PDE4D: variants seen among roughly 807,000 people sequenced by gnomAD.
The protein encoded by PDE4D is phosphodiesterase 4D, also known as 3',5'-cyclic-AMP phosphodiesterase 4D.
In PDE4D, 24 loss-of-function variants were observed where a neutral mutation model predicts 87.4. That is an observed-to-expected ratio of 0.27 (90% CI 0.20 to 0.39). The LOEUF (loss-of-function observed/expected upper bound fraction) is 0.39. Among genes scored for constraint, PDE4D ranks in the 10% least tolerant of loss-of-function variants. PDE4D has a pLI of 1.00. For synonymous variants in PDE4D, 384 were observed against 383.2 expected (o/e 1.00, Z -0.02); for missense variants, 714 against 1,041.0 (o/e 0.69, Z 4.32).
chr5:60,065,127 A>G (rs2152891418), intron 2 of PDE4D, among the ~76,000 whole-genome samples: 1 of 152,242 alleles, frequency 6.6e-6, no homozygotes, highest in Middle Eastern at 3.4e-3. Context: ...AAGGATTCAG[A>G]AAAGCAGATT....
chr5:59,623,487 C>G (rs1279388011), intron 1 of PDE4D, among the ~76,000 whole-genome samples: 1 of 152,194 alleles, frequency 6.6e-6, no homozygotes, highest in Admixed American at 6.5e-5. Context: ...CATCCCAGTG[C>G]TTGGAGCTCT....
chr5:59,189,118 A>T (rs964989081), intron 3 of PDE4D, among the ~76,000 whole-genome samples: 6 of 152,088 alleles, frequency 3.9e-5, no homozygotes, highest in Admixed American at 6.5e-5. Flanking sequence ...TTTATTACCA[A>T]CTAAATGGTA....
chr5:59,950,762 G>A lies in PDE4D; in HGVS notation c.272+37726C>T, dbSNP rs544146920. 2.6e-5 allele frequency among the ~76,000 whole-genome samples: 4 copies of A among 152,170 alleles called. No individual in the cohort carries two copies. The South Asian group carries it at 8.3e-4, about 32-fold the overall frequency. The stretch of plus-strand genomic sequence containing the variant: ...TTGTTGTTATCTTTTGGCTTTCTGA[G>A]AAATTGGTTTTATTACTGTTTTTAA... On this transcript the variant is annotated intron_variant, in intron 3 of 16. Coordinates refer to the PDE4D transcript ENST00000502484.
At chr5:59,548,181 G>A (rs181403410) in intron 1 of PDE4D, among the ~76,000 whole-genome samples, 59 of 152,044 alleles carry the variant, frequency 3.9e-4, no homozygotes, top group Admixed American at 9.8e-4. Flanking sequence ...TGTTTAAGTC[G>A]GCTTAAATTC....
intron 1 of PDE4D, among the ~76,000 whole-genome samples, chr5:59,441,576 AC>A (rs1797621765): frequency 6.6e-6 from 1 of 151,974 alleles, no homozygotes; most frequent in African/African-American, 2.4e-5. Context: ...TTTCCTCTTA[AC>A]CTGTGGTATC....
chr5:59,264,469 A>G (rs183351550), intron 1 of PDE4D, among the ~76,000 whole-genome samples: 1 of 152,166 alleles, frequency 6.6e-6, no homozygotes, highest in East Asian at 1.9e-4. Context: ...ACCTTTAAAA[A>G]GTTGTCTGCT....
chr5:60,477,107 A>G (rs1748390192), intron 1 of PDE4D, among the ~76,000 whole-genome samples: 1 of 152,192 alleles, frequency 6.6e-6, no homozygotes, highest in Non-Finnish European at 1.5e-5. Context: ...ATAGGCAGGA[A>G]GAAATGCAAA....
intron 1 of PDE4D, among the ~76,000 whole-genome samples, chr5:60,391,086 T>C (rs1762531817): frequency 6.6e-6 from 1 of 152,218 alleles, no homozygotes; most frequent in Admixed American, 6.5e-5. Context: ...TACTTATTTA[T>C]TATCTTTCCC....
At chr5:59,965,539 T>A (rs1740726828) in intron 3 of PDE4D, among the ~76,000 whole-genome samples, 1 of 152,176 alleles carries the variant, frequency 6.6e-6, no homozygotes. Context: ...CTGCTGTATC[T>A]TGAGTACCTG....
chr5:59,579,125 T>C (rs1823653453), intron 1 of PDE4D, among the ~76,000 whole-genome samples: 1 of 152,214 alleles, frequency 6.6e-6, no homozygotes, highest in Admixed American at 6.5e-5. Flanking sequence ...ATTTTCACTT[T>C]GAAACTTAAG....
chr5:58,978,864 A>G lies in PDE4D; in HGVS notation c.1553-1519T>C, dbSNP rs567956813. ...AACCTTTATCTACAGATAGGTAAGC[A>G]TATAGAAATGAAAAATTTAAAACTA... On this transcript the variant is annotated intron_variant, in intron 11 of 14. Coordinates refer to ENST00000340635, the MANE Select transcript of PDE4D (RefSeq NM_001104631.2). Among the ~76,000 whole-genome samples the G allele has an allele frequency of 4.6e-5, 7 of 152,344 alleles. 2 individuals carry two copies. The highest frequency in any genetic ancestry group is 1.7e-4 in the African/African-American group (7 of 41,594).
intron 5 of PDE4D, among the ~76,000 whole-genome samples, chr5:59,145,940 A>G (rs1291182523): frequency 2.6e-5 from 4 of 152,178 alleles, no homozygotes. Context: ...CAGCCTGGCC[A>G]ACATGGTGAA....
chr5:59,407,081 C>T (rs185632692), intron 1 of PDE4D, among the ~76,000 whole-genome samples: 3 of 152,252 alleles, frequency 2.0e-5, no homozygotes, highest in Admixed American at 2.0e-4. Context: ...CCTTGAATGT[C>T]CCCTCCAATT....
chr5:60,103,076 C>T (rs1025742482), intron 2 of PDE4D, among the ~76,000 whole-genome samples: 5 of 152,098 alleles, frequency 3.3e-5, no homozygotes, highest in African/African-American at 9.7e-5. Context: ...AGAAACTTTG[C>T]ACTATGAGTC....
At chr5:59,870,247 A>G (rs1287931335) in intron 1 of PDE4D, among the ~76,000 whole-genome samples, 2 of 152,258 alleles carry the variant, frequency 1.3e-5, no homozygotes, top group Non-Finnish European at 2.9e-5. Flanking sequence ...AACAGAATTA[A>G]CTATGATGGC....
intron 1 of PDE4D, among the ~76,000 whole-genome samples, chr5:59,234,798 T>C (rs564605518): frequency 2.2e-4 from 33 of 152,330 alleles, no homozygotes; most frequent in Admixed American, 7.2e-4. Flanking sequence ...CATGATTATA[T>C]ACTTTGCTGA....
chr5:60,431,722 G>T (rs994389678), intron 1 of PDE4D, among the ~76,000 whole-genome samples: 3 of 152,202 alleles, frequency 2.0e-5, no homozygotes, highest in Non-Finnish European at 2.9e-5. Context: ...CAAGGCAGGC[G>T]GCTGGGAGGT....
chr5:59,927,601 C>T (rs1755432580), intron 3 of PDE4D, among the ~76,000 whole-genome samples: 1 of 152,146 alleles, frequency 6.6e-6, no homozygotes, highest in Non-Finnish European at 1.5e-5. Flanking sequence ...TCACAGACAG[C>T]TTGACTTGGT....
At chr5:59,115,352 T>C (rs939433088) in intron 5 of PDE4D, among the ~76,000 whole-genome samples, 4 of 152,200 alleles carry the variant, frequency 2.6e-5, no homozygotes, top group Admixed American at 2.6e-4. Context: ...AATAGCTATG[T>C]CTGTGGTTTT....
Sources: gnomAD v4.1 joint callset for allele counts (sites outside exome capture counted in the v4.1 genomes callset) on GRCh38, gnomAD v4.1.1 for gene constraint, MANE v1.5 for transcripts, NCBI Gene and HGNC (gene_info 2026-07-23, HGNC 2026-07-21) for gene names.